The following HKDC1 variants were observed in gnomAD, a reference collection of about 807,000 sequenced individuals.
HKDC1 encodes the protein hexokinase domain containing 1.
In HKDC1, 66 loss-of-function variants were observed where a neutral mutation model predicts 96.6. The ratio of observed to expected loss-of-function variants is 0.68; its 90% confidence interval spans 0.56 to 0.84. The LOEUF (loss-of-function observed/expected upper bound fraction) is 0.84. HKDC1 is among the 40% of genes least tolerant of loss of function. The pLI, the probability that HKDC1 is intolerant of heterozygous loss-of-function variation, is 0.00. For missense variants in HKDC1, 1,211 were observed against 1,208.1 expected (o/e 1.00, Z -0.04); for synonymous variants, 466 against 473.1 (o/e 0.98, Z 0.20).
intron 7 of HKDC1, among the ~76,000 whole-genome samples, chr10:69,245,627 G>A (rs1843528934): frequency 6.7e-6 from 1 of 149,202 alleles, no homozygotes; most frequent in African/African-American, 2.5e-5. Flanking sequence ...AGTCTGCCTG[G>A]GAAACAATTA....
intron 14 of HKDC1, 149 bp downstream of exon 14, chr10:69,257,575 A>G (rs1442401712): frequency 5.8e-6 from 4 of 685,604 alleles, no homozygotes; most frequent in Non-Finnish European, 1.0e-5. Context: ...CCAGGTCACC[A>G]AGTTCTTTCT....
intron 16 of HKDC1, among the ~76,000 whole-genome samples, chr10:69,264,709 T>A (rs1252354214): frequency 6.6e-6 from 1 of 152,242 alleles, no homozygotes; most frequent in African/African-American, 2.4e-5. Context: ...ATTGTTTGGC[T>A]ACACCGCCAT....
Position 69,265,826 on chromosome 10 carries a change from C to G in HKDC1, c.2606+8C>G, listed in dbSNP as rs1380214404. On this transcript the variant is annotated splice_region_variant and intron_variant, in intron 17 of 17. Coordinates refer to ENST00000354624, the MANE Select transcript of HKDC1 (RefSeq NM_025130.4). ...GTACAAGCTGCACCCTCAGTGAGTG[C>G]CCACAAGAGGCGTGGCGGGTGGGGC... 6.2e-7 allele frequency: 1 copy of G among 1,601,292 alleles called. No individual in the cohort carries two copies. Among genetic ancestry groups the G allele is most frequent in the Non-Finnish European group, 8.5e-7 (1 of 1,170,870 alleles).
chr10:69,248,868 T>G, intron 10 of HKDC1, 140 bp downstream of exon 10: 2 of 764,620 alleles, frequency 2.6e-6, no homozygotes, highest in Non-Finnish European at 4.1e-6. Context: ...AGGCTAGTAT[T>G]CTTTCTAAAT....
intron 12 of HKDC1, among the ~76,000 whole-genome samples, chr10:69,251,451 T>C (rs989394380): frequency 1.4e-4 from 21 of 152,142 alleles, no homozygotes; most frequent in Admixed American, 7.2e-4. Flanking sequence ...TTATTCAAGA[T>C]TGTTTTGGCT....
rs202109020 is a variant in HKDC1, at chr10:69,257,360, G to A, written c.1966G>A (p.Asp656Asn). 85 of 1,613,898 alleles carry A rather than the reference G, an allele frequency of 5.3e-5. No individual in the cohort carries two copies. Among genetic ancestry groups the A allele is most frequent in the Non-Finnish European group, 6.6e-5 (78 of 1,179,880 alleles). ...FDLDIVAVVN[D>N]TVGTMMTCGY... ...CCTGGACATTGTTGCAGTCGTGAAT[G>A]ATACAGTGGGGACCATGATGACCTG... The change falls in exon 14 of 18, where the codon GAT (aspartate) becomes AAT (asparagine). Residue 656 changes from aspartate (D) to asparagine (N), a missense_variant. Transcript: ENST00000354624.
chr10:69,263,080 TC>T (rs1843834429), intron 16 of HKDC1, among the ~76,000 whole-genome samples: 1 of 152,174 alleles, frequency 6.6e-6, no homozygotes, highest in Non-Finnish European at 1.5e-5. Flanking sequence ...GTTTTTGTTT[TC>T]TGAGACAGGG....
intron 4 of HKDC1, among the ~76,000 whole-genome samples, chr10:69,234,069 T>G (rs1407021773): frequency 6.6e-6 from 1 of 151,852 alleles, no homozygotes; most frequent in Non-Finnish European, 1.5e-5. Flanking sequence ...AACCCAATCT[T>G]ATGTGAATAA....
chr10:69,266,463 T>TGAAAAAA, intron 17 of HKDC1, 147 bp from the exon 18 acceptor site: 2 of 547,642 alleles, frequency 3.7e-6, no homozygotes, highest in Non-Finnish European at 5.8e-6. Context: ...AGACCATGTC[T>TGAAAAAA]AAAAAAAAAA....
chr10:69,234,446 G>A (rs936155579), intron 4 of HKDC1, among the ~76,000 whole-genome samples: 2 of 152,186 alleles, frequency 1.3e-5, no homozygotes, highest in Non-Finnish European at 2.9e-5. Flanking sequence ...GTAGAGATGA[G>A]GTCTCACTAT....
rs1332080954 is a variant in HKDC1 at position 69,239,154 on chromosome 10, G to A, written c.591+17G>A. 9 of 1,596,332 alleles carry A rather than the reference G, an allele frequency of 5.6e-6. No homozygotes were observed. The highest frequency in any genetic ancestry group is 4.4e-5 in the South Asian group (4 of 90,504). On this transcript the variant is annotated intron_variant, in intron 5 of 17. Coordinates refer to ENST00000354624, the MANE Select transcript of HKDC1 (RefSeq NM_025130.4). The stretch of plus-strand genomic sequence containing the variant: ...AGACACAAGGTGAGGAATTCACCTC[G>A]GTGTGGGAGGCTCTCCCAGCCCTAG...
chr10:69,245,929 C>T (rs1323790180), intron 7 of HKDC1, 150 bp from the exon 8 acceptor site: 1 of 876,812 alleles, frequency 1.1e-6, no homozygotes, highest in Non-Finnish European at 1.7e-6. Flanking sequence ...GACAAAAGTT[C>T]TTGCCATCCA....
At chr10:69,232,964 G>A in intron 3 of HKDC1, 50 bp from the exon 4 acceptor site, 1 of 1,612,512 alleles carries the variant, frequency 6.2e-7, no homozygotes, top group Non-Finnish European at 8.5e-7. Flanking sequence ...GCATCCGTGT[G>A]TGGGGAAACC....
chr10:69,244,095 T>C lies in HKDC1; in HGVS notation c.875+730T>C, dbSNP rs371566318. On this transcript the variant is annotated intron_variant, in intron 7 of 17. Coordinates refer to ENST00000354624, the MANE Select transcript of HKDC1 (RefSeq NM_025130.4). The stretch of plus-strand genomic sequence containing the variant: ...CTCGGAGGCCTAATCACTCAGCAAG[T>C]GGTGACTCTGGCAGGACCTTCCCTC... Among the ~76,000 whole-genome samples, 46 of 152,206 alleles carry C rather than the reference T, an allele frequency of 3.0e-4. No individual in the cohort carries two copies. In the South Asian group the frequency reaches 8.1e-3, roughly 27 times the overall value.
chr10:69,243,325 A>G lies in HKDC1; in HGVS notation c.835A>G (p.Arg279Gly), dbSNP rs542346343. 4 of 1,609,936 alleles carry G rather than the reference A, an allele frequency of 2.5e-6. No individual in the cohort carries two copies. The highest frequency in any genetic ancestry group is 3.4e-6 in the Non-Finnish European group (4 of 1,177,890). The change falls in exon 7 of 18, where the codon AGG becomes GGG. Residue 279 changes from arginine (R) to glycine (G), a missense_variant. Coordinates refer to ENST00000354624, the MANE Select transcript of HKDC1 (RefSeq NM_025130.4). ...ALEDIRTEFD[R>G]ELDLGSLNPG... Reference sequence around the variant, plus strand: ...GGAGGACATTCGCACTGAGTTCGACAGGGAGCTGGACCTCGGCTCTCTCAA... The same window carrying G: ...GGAGGACATTCGCACTGAGTTCGACGGGGAGCTGGACCTCGGCTCTCTCAA...
intron 14 of HKDC1, among the ~76,000 whole-genome samples, chr10:69,258,124 C>G (rs999846451): frequency 2.0e-5 from 3 of 152,194 alleles, no homozygotes; most frequent in African/African-American, 7.2e-5. Context: ...AGTTATCTCC[C>G]ATGCCAGGTA....
chr10:69,256,488 C>T (rs1322125244), intron 12 of HKDC1, among the ~76,000 whole-genome samples: 4 of 152,168 alleles, frequency 2.6e-5, no homozygotes, highest in African/African-American at 9.7e-5. Flanking sequence ...AGGCGGATCA[C>T]CTGAGGCCAG....
intron 7 of HKDC1, 134 bp downstream of exon 7, chr10:69,243,499 C>CT (rs5785905): frequency 0.51 from 260,322 of 513,870 alleles, 40,673 homozygotes; most frequent in African/African-American, 0.7. Flanking sequence ...TTTCTTTTTC[C>CT]TTTTTTTTTT....
rs1303042447 is a variant in HKDC1 at position 69,258,968 on chromosome 10, G to A, written c.2216+9G>A. The A allele has an allele frequency of 1.3e-6, 2 of 1,542,506 alleles. No homozygotes were observed. Among genetic ancestry groups the A allele is most frequent in the Non-Finnish European group, 1.7e-6 (2 of 1,147,790 alleles). On this transcript the variant is annotated intron_variant, in intron 15 of 17. Coordinates refer to ENST00000354624, the MANE Select transcript of HKDC1 (RefSeq NM_025130.4). ...AATCCTGGCAAGCAGAGGTGAAGAG[G>A]GTGGATGTGTGCATTTATGTGGGTT...
Sources: allele counts gnomAD v4.1 joint callset (sites outside exome capture counted in the v4.1 genomes callset), GRCh38; gene constraint gnomAD v4.1.1; transcripts MANE v1.5; gene names NCBI Gene and HGNC (gene_info 2026-07-23, HGNC 2026-07-21).